The following ZNF804A variants were observed in gnomAD, a reference collection of about 807,000 sequenced individuals.
ZNF804A encodes zinc finger protein 804A.
Under a neutral mutation model 16.5 loss-of-function variants are expected in ZNF804A, and 2 were observed. That is an observed-to-expected ratio of 0.12 (90% confidence interval 0.05 to 0.38). ZNF804A has a LOEUF of 0.38. Among genes scored for constraint, ZNF804A ranks in the 10% least tolerant of loss-of-function variants. The pLI is 0.99. For missense variants in ZNF804A, 1,473 were observed against 1,390.7 expected (o/e 1.06, Z -0.94); for synonymous variants, 534 against 489.6 (o/e 1.09, Z -1.20).
At position 184,911,153 on chromosome 2, in the gene ZNF804A, G is replaced by A. The variant is rs139474383; in HGVS notation, c.256-22450G>A. 3.3e-3 allele frequency among the ~76,000 whole-genome samples: 497 copies of A among 152,118 alleles called. 3 individuals are homozygous for A. The highest frequency in any genetic ancestry group is 0.011 in the African/African-American group (476 of 41,512). On this transcript the variant is annotated intron_variant, in intron 2 of 3. Coordinates refer to ENST00000302277, the MANE Select transcript of ZNF804A (RefSeq NM_194250.2). ...TCTTGAATTAATTTTTGTATTTGGT[G>A]AGAGTTAGGGGTCCAGATTCATTCT... is the stretch of plus-strand genomic sequence containing the variant.
chr2:184,847,623 T>C (rs1177273907), intron 1 of ZNF804A, among the ~76,000 whole-genome samples: 1 of 152,040 alleles, frequency 6.6e-6, no homozygotes, highest in Non-Finnish European at 1.5e-5. Context: ...TACGTGGGTA[T>C]TTTTTCCTCA....
At chr2:184,757,707 T>A (rs1469770838) in intron 1 of ZNF804A, among the ~76,000 whole-genome samples, 1 of 152,034 alleles carries the variant, frequency 6.6e-6, no homozygotes, top group African/African-American at 2.4e-5. Flanking sequence ...AAATTATGTT[T>A]AATTTGTATT....
intron 1 of ZNF804A, among the ~76,000 whole-genome samples, chr2:184,830,186 A>G (rs925693853): frequency 2.2e-4 from 34 of 152,182 alleles, no homozygotes; most frequent in African/African-American, 4.8e-4. Flanking sequence ...TTTTGCAAAT[A>G]CTACTTATGT....
At chr2:184,908,891 A>T (rs1558999642) in intron 2 of ZNF804A, among the ~76,000 whole-genome samples, 1 of 152,148 alleles carries the variant, frequency 6.6e-6, no homozygotes, top group Non-Finnish European at 1.5e-5. Flanking sequence ...TAAAGAACAG[A>T]TTAGCACTGG....
intron 1 of ZNF804A, among the ~76,000 whole-genome samples, chr2:184,742,960 C>T (rs1157457922): frequency 6.6e-6 from 1 of 151,916 alleles, no homozygotes; most frequent in Non-Finnish European, 1.5e-5. Flanking sequence ...GTCGACTTTA[C>T]TCTCAGCCAG....
chr2:184,808,538 A>C (rs150831793), intron 1 of ZNF804A, among the ~76,000 whole-genome samples: 1 of 151,710 alleles, frequency 6.6e-6, no homozygotes, highest in East Asian at 1.9e-4. Context: ...ACATATATGA[A>C]ATTTTGGATT....
At chr2:184,681,524 A>T (rs1433242148) in intron 1 of ZNF804A, among the ~76,000 whole-genome samples, 1 of 152,238 alleles carries the variant, frequency 6.6e-6, no homozygotes, top group African/African-American at 2.4e-5. Flanking sequence ...AACTAAAAAC[A>T]GGTCTGAGTT....
At chr2:184,742,716 G>GA (rs11386163) in intron 1 of ZNF804A, among the ~76,000 whole-genome samples, 11,820 of 151,208 alleles carry the variant, frequency 0.078, 1,576 homozygotes, top group African/African-American at 0.27. Flanking sequence ...AAAAAATATA[G>GA]AAAATAGATA....
intron 1 of ZNF804A, among the ~76,000 whole-genome samples, chr2:184,750,105 T>C (rs1693856685): frequency 6.6e-6 from 1 of 151,390 alleles, no homozygotes; most frequent in Non-Finnish European, 1.5e-5. Flanking sequence ...TTTGTACTAA[T>C]TTTTTATGAT....
At chr2:184,804,451 A>C (rs1416543158) in intron 1 of ZNF804A, among the ~76,000 whole-genome samples, 4 of 152,236 alleles carry the variant, frequency 2.6e-5, no homozygotes, top group African/African-American at 9.6e-5. Flanking sequence ...CATAAGCAGC[A>C]TGAACATCAT....
At chr2:184,665,904 T>C (rs1692247438) in intron 1 of ZNF804A, among the ~76,000 whole-genome samples, 2 of 152,216 alleles carry the variant, frequency 1.3e-5, no homozygotes, top group Non-Finnish European at 2.9e-5. Flanking sequence ...CCCTCTGGAT[T>C]CCTTTCCTGC....
chr2:184,706,549 G>A (rs965793582), intron 1 of ZNF804A, among the ~76,000 whole-genome samples: 3 of 152,082 alleles, frequency 2.0e-5, no homozygotes, highest in African/African-American at 7.2e-5. Flanking sequence ...ATGGTTAGGT[G>A]GCTCAGATGA....
intron 1 of ZNF804A, among the ~76,000 whole-genome samples, chr2:184,648,261 G>A (rs1691915046): frequency 6.6e-6 from 1 of 152,064 alleles, no homozygotes; most frequent in South Asian, 2.1e-4. Flanking sequence ...TTTTAAGGGA[G>A]TTTTACACAT....
At chr2:184,660,800 A>T (rs1170488728) in intron 1 of ZNF804A, among the ~76,000 whole-genome samples, 2 of 152,266 alleles carry the variant, frequency 1.3e-5, no homozygotes, top group Non-Finnish European at 2.9e-5. Context: ...AGAATTATTG[A>T]ATAAAGTCAC....
intron 1 of ZNF804A, among the ~76,000 whole-genome samples, chr2:184,793,028 G>A (rs1364907100): frequency 6.6e-6 from 1 of 151,990 alleles, no homozygotes; most frequent in Admixed American, 6.6e-5. Context: ...TGTAGTATTT[G>A]GTTTTCTGTT....
At chr2:184,745,299 A>C (rs1474998694) in intron 1 of ZNF804A, among the ~76,000 whole-genome samples, 3 of 151,810 alleles carry the variant, frequency 2.0e-5, no homozygotes, top group Non-Finnish European at 2.9e-5. Context: ...GGTAACACTA[A>C]TTCAAATTAT....
intron 2 of ZNF804A, among the ~76,000 whole-genome samples, chr2:184,933,300 C>T (rs1442090808): frequency 6.6e-6 from 1 of 152,038 alleles, no homozygotes; most frequent in Non-Finnish European, 1.5e-5. Context: ...GGCACGAATC[C>T]TTCATCTGAA....
At chr2:184,854,057 G>A (rs1695648500) in intron 1 of ZNF804A, among the ~76,000 whole-genome samples, 1 of 151,660 alleles carries the variant, frequency 6.6e-6, no homozygotes, top group African/African-American at 2.4e-5. Flanking sequence ...TTCTTTGATG[G>A]GAGACTTCTT....
At chr2:184,671,979 G>A (rs1692345246) in intron 1 of ZNF804A, among the ~76,000 whole-genome samples, 1 of 152,182 alleles carries the variant, frequency 6.6e-6, no homozygotes, top group Admixed American at 6.5e-5. Context: ...ATGTTATATG[G>A]ACTGATGTCT....
Sources: allele counts gnomAD v4.1 joint callset (sites outside exome capture counted in the v4.1 genomes callset), GRCh38; gene constraint gnomAD v4.1.1; transcripts MANE v1.5; gene names NCBI Gene and HGNC (gene_info 2026-07-23, HGNC 2026-07-21).